The following ZNHIT6 variants were observed in gnomAD, a reference collection of about 807,000 sequenced individuals.
ZNHIT6 encodes the protein zinc finger HIT-type containing 6, also known as box C/D snoRNA protein 1.
In ZNHIT6, 45 loss-of-function variants were observed where a neutral mutation model predicts 57.2. The observed-to-expected ratio is 0.79, with a 90% CI of 0.62 to 1.01. The LOEUF (loss-of-function observed/expected upper bound fraction) is 1.01. ZNHIT6 is among the 50% of genes least tolerant of loss of function. The pLI is 0.00. For synonymous variants in ZNHIT6, 188 were observed against 190.0 expected (o/e 0.99, Z 0.09); for missense variants, 528 against 567.3 (o/e 0.93, Z 0.70).
chr1:85,672,142 C>A (rs959933421), intron 8 of ZNHIT6, among the ~76,000 whole-genome samples: 2 of 152,124 alleles, frequency 1.3e-5, no homozygotes, highest in Non-Finnish European at 2.9e-5. Context: ...AATGATGCCA[C>A]CCCTACATGA....
intron 4 of ZNHIT6, among the ~76,000 whole-genome samples, chr1:85,703,981 C>T (rs1288883088): frequency 6.6e-6 from 1 of 152,128 alleles, no homozygotes; most frequent in African/African-American, 2.4e-5. Flanking sequence ...ACAGGCACTG[C>T]ATAAAAGAGG....
At chr1:85,687,361 T>A (rs980081379) in intron 5 of ZNHIT6, among the ~76,000 whole-genome samples, 1 of 147,188 alleles carries the variant, frequency 6.8e-6, no homozygotes, top group Admixed American at 6.9e-5. Flanking sequence ...ACCGACAGTG[T>A]CTTTAAACAG....
intron 4 of ZNHIT6, 94 bp from the exon 5 acceptor site, chr1:85,702,354 G>T: frequency 1.4e-6 from 1 of 734,942 alleles, no homozygotes; most frequent in Non-Finnish European, 2.3e-6. Context: ...AAGATTTACT[G>T]AGAACCTAAG....
At chr1:85,695,625 A>C (rs1662343681) in intron 5 of ZNHIT6, among the ~76,000 whole-genome samples, 1 of 152,254 alleles carries the variant, frequency 6.6e-6, no homozygotes, top group Non-Finnish European at 1.5e-5. Flanking sequence ...ACCACTGGTT[A>C]GAGTAACATG....
chr1:85,692,174 G>A (rs1185950035), intron 5 of ZNHIT6, among the ~76,000 whole-genome samples: 4 of 152,086 alleles, frequency 2.6e-5, no homozygotes, highest in Admixed American at 6.5e-5. Flanking sequence ...TAAATGCTGC[G>A]GTCAAGGAGG....
chr1:85,668,630 CAT>C (rs1324576470), intron 8 of ZNHIT6, among the ~76,000 whole-genome samples: 2 of 152,188 alleles, frequency 1.3e-5, no homozygotes, highest in Admixed American at 1.3e-4. Context: ...TTTTAACACA[CAT>C]CTTATAAATT....
intron 8 of ZNHIT6, among the ~76,000 whole-genome samples, chr1:85,667,029 G>C (rs979652413): frequency 2.0e-5 from 3 of 152,012 alleles, no homozygotes; most frequent in African/African-American, 7.2e-5. Flanking sequence ...ATCCCAAAAA[G>C]GTATAACAAA....
In ZNHIT6 at chr1:85,651,217, A is replaced by C. The variant is rs910462767; in HGVS notation, c.*2841T>G. 6.6e-6 allele frequency: 1 copy of C among 151,972 alleles called. No individual in the cohort carries two copies. The highest frequency in any genetic ancestry group is 1.5e-5 in the Non-Finnish European group (1 of 67,994). The allele number at this position is 151,972 out of a possible 1,614,324, so 9.4% of individuals were successfully genotyped here. ...GGATCAACTACATTTTGGAATCTTA[A>C]ATATCTATTTTTAATAACTTTTTTT... is the stretch of plus-strand genomic sequence containing the variant. On this transcript the variant is annotated 3_prime_UTR_variant, in exon 10 of 10. Coordinates refer to ENST00000370574, the MANE Select transcript of ZNHIT6 (RefSeq NM_017953.4).
Position 85,707,784 on chromosome 1 carries a change from A to G in ZNHIT6, c.501T>C (p.Phe167=), listed in dbSNP as rs748774229. 6.2e-7 allele frequency: 1 copy of G among 1,614,014 alleles called. No individual in the cohort carries two copies. Among genetic ancestry groups the G allele is most frequent in the Non-Finnish European group, 8.5e-7 (1 of 1,179,984 alleles). Residue 167 remains phenylalanine, a synonymous_variant, in exon 1 of 10, where the codon TTT becomes TTC. Coordinates refer to ENST00000370574, the MANE Select transcript of ZNHIT6 (RefSeq NM_017953.4). ...DNLEIKQEEK[F]VGQCIKEELM... is the part of the protein sequence containing the mutation. ...ATTCCTCTTTTATGCATTGACCAAC[A>G]AACTTCTCCTCCTGTTTTATCTCCA...
chr1:85,673,229 A>G lies in ZNHIT6; in HGVS notation c.1247+4007T>C, dbSNP rs143436331. 6.7e-3 allele frequency among the ~76,000 whole-genome samples: 1,018 copies of G among 152,290 alleles called. 48 individuals are homozygous for G. Among genetic ancestry groups the G allele is most frequent in the Admixed American group, 0.06 (924 of 15,288 alleles). The stretch of plus-strand genomic sequence containing the variant: ...CCTCAATGTCTAGAACAGCATCTAG[A>G]CTTTGGCATACTCACTGTTTGCTGA... On this transcript the variant is annotated intron_variant, in intron 8 of 9. Coordinates refer to ENST00000370574, the MANE Select transcript of ZNHIT6 (RefSeq NM_017953.4).
Position 85,707,850 on chromosome 1 carries a change from C to G in ZNHIT6, c.435G>C (p.Glu145Asp). ...CCTTCACTTCTGACCAGTCCATTAC[C>G]TCTTCCTTTACCTTCTCTTCCTTTA... ...PEVKEEKVKE[E>D]VMDWSEVKEE... The change falls in exon 1 of 10, where the codon GAG becomes GAC. Residue 145 changes from glutamate (E) to aspartate (D), a missense_variant. Glu to Asp is a conservative substitution (Grantham distance 45, BLOSUM62 2). Transcript: ENST00000370574. The G allele has an allele frequency of 6.2e-7, 1 of 1,614,000 alleles. No individual in the cohort carries two copies. The highest frequency in any genetic ancestry group is 8.5e-7 in the Non-Finnish European group (1 of 1,179,998).
intron 8 of ZNHIT6, among the ~76,000 whole-genome samples, chr1:85,672,635 G>A (rs150335477): frequency 6.6e-6 from 1 of 152,042 alleles, no homozygotes; most frequent in Admixed American, 6.6e-5. Context: ...GGTTTCTTAT[G>A]ATATATACAG....
intron 5 of ZNHIT6, among the ~76,000 whole-genome samples, chr1:85,690,488 C>A (rs1272022132): frequency 6.6e-6 from 1 of 152,206 alleles, no homozygotes; most frequent in Non-Finnish European, 1.5e-5. Flanking sequence ...GGAAGTCTTT[C>A]CTGTTCCCTG....
At position 85,649,661 on chromosome 1, in the gene ZNHIT6, GGTTT is replaced by G. The variant is rs1660849578; in HGVS notation, c.*4393_*4396del. 2.6e-5 allele frequency: 4 copies of G among 152,132 alleles called. No homozygotes were observed. Among genetic ancestry groups the G allele is most frequent in the African/African-American group, 9.6e-5 (4 of 41,526 alleles). 9.4% of individuals were successfully genotyped at this position (152,132 alleles called of 1,614,324 possible). ...TTTTAGTCAAGTACAGATCCCCAAA[GGTTT>G]ATTTAAAGCCAATTTTTATTTAAGT... On this transcript the variant is annotated 3_prime_UTR_variant, in exon 10 of 10. Transcript: ENST00000370574.
chr1:85,669,736 G>A (rs951440752), intron 8 of ZNHIT6, among the ~76,000 whole-genome samples: 2 of 152,148 alleles, frequency 1.3e-5, no homozygotes, highest in Non-Finnish European at 2.9e-5. Flanking sequence ...ATTAAGTCTG[G>A]AGTGTCCATG....
At chr1:85,690,217 T>A (rs1023486810) in intron 5 of ZNHIT6, among the ~76,000 whole-genome samples, 1 of 152,018 alleles carries the variant, frequency 6.6e-6, no homozygotes, top group African/African-American at 2.4e-5. Context: ...ACAGGAAGAT[T>A]TCCTGCTCAA....
intron 8 of ZNHIT6, 112 bp downstream of exon 8, chr1:85,677,124 A>C: frequency 2.8e-6 from 2 of 708,726 alleles, no homozygotes; most frequent in Non-Finnish European, 4.3e-6. Flanking sequence ...TGAAAAGTAA[A>C]AGTCATGTTC....
At chr1:85,680,384 TCATTTTTCACTTCCTTAA>T (rs145755376) in intron 6 of ZNHIT6, among the ~76,000 whole-genome samples, 3,717 of 152,234 alleles carry the variant, frequency 0.024, 163 homozygotes, top group African/African-American at 0.086. Flanking sequence ...GAATTTTGGG[TCATTTTTCACTTCCTTAA>T]CAACCACCCA....
At chr1:85,673,346 G>C (rs1184876619) in intron 8 of ZNHIT6, among the ~76,000 whole-genome samples, 1 of 152,174 alleles carries the variant, frequency 6.6e-6, no homozygotes, top group African/African-American at 2.4e-5. Flanking sequence ...CTCCCAAACA[G>C]ATCAGTAGCG....
Sources: allele counts gnomAD v4.1 joint callset (sites outside exome capture counted in the v4.1 genomes callset), GRCh38; gene constraint gnomAD v4.1.1; transcripts MANE v1.5; gene names NCBI Gene and HGNC (gene_info 2026-07-23, HGNC 2026-07-21).